NRG1: variants seen among roughly 807,000 people sequenced by gnomAD.
NRG1 encodes pro-neuregulin-1, membrane-bound isoform.
NRG1 carries 18 observed loss-of-function variants against 63.8 expected under a neutral mutation model. The ratio of observed to expected loss-of-function variants is 0.28; its 90% CI spans 0.19 to 0.42. The LOEUF (loss-of-function observed/expected upper bound fraction) is 0.42. NRG1 is among the 10% of genes least tolerant of loss of function. NRG1 has a pLI of 1.00. For synonymous variants in NRG1, 302 were observed against 301.3 expected (o/e 1.00, Z -0.02); for missense variants, 762 against 814.7 (o/e 0.94, Z 0.79).
intron 1 of NRG1, among the ~76,000 whole-genome samples, chr8:32,042,958 T>G (rs1264114752): frequency 1.3e-4 from 2 of 15,346 alleles, no homozygotes; most frequent in East Asian, 4.2e-3. Context: ...GTAGAAAGAG[T>G]GCAGTGTGTG....
exon 8 of NRG1, chr8:32,754,393 A>C (rs1377627153): frequency 1.9e-6 from 3 of 1,613,846 alleles, no homozygotes; most frequent in Non-Finnish European, 2.5e-6. Flanking sequence ...CTGTACCAGA[A>C]GAGAGTGCTG....
intron 1 of NRG1, among the ~76,000 whole-genome samples, chr8:32,079,012 A>G (rs1422574837): frequency 2.6e-5 from 4 of 152,172 alleles, no homozygotes; most frequent in South Asian, 2.1e-4. Flanking sequence ...CATTTTGACT[A>G]ACATTTTTCC....
At chr8:31,834,301 A>ACG (rs1554546982) in intron 1 of NRG1, among the ~76,000 whole-genome samples, 2,958 of 145,516 alleles carry the variant, frequency 0.02, 46 homozygotes, top group Non-Finnish European at 0.03. Flanking sequence ...GTGTGCGCGC[A>ACG]CGCGCGCACA....
intron 1 of NRG1, among the ~76,000 whole-genome samples, chr8:32,291,402 T>C (rs1475055064): frequency 6.6e-6 from 1 of 152,108 alleles, no homozygotes; most frequent in Non-Finnish European, 1.5e-5. Flanking sequence ...TAGATAAGTC[T>C]TTCTAATCTT....
chr8:31,897,478 A>T (rs574369721), intron 1 of NRG1, among the ~76,000 whole-genome samples: 2 of 152,256 alleles, frequency 1.3e-5, no homozygotes, highest in South Asian at 4.1e-4. Flanking sequence ...TCTGTCTCTC[A>T]TGAGGAAAAT....
intron 1 of NRG1, among the ~76,000 whole-genome samples, chr8:32,024,483 G>GT (rs1205851748): frequency 1.3e-5 from 2 of 152,210 alleles, no homozygotes; most frequent in Non-Finnish European, 2.9e-5. Context: ...TGGAGTTATC[G>GT]TGAGTGGAAC....
intron 7 of NRG1, among the ~76,000 whole-genome samples, chr8:32,745,560 T>A (rs1260916089): frequency 2.0e-5 from 3 of 152,098 alleles, no homozygotes; most frequent in Non-Finnish European, 4.4e-5. Context: ...AACATTATAT[T>A]TATAGTACTT....
At chr8:31,932,863 T>C (rs920018460) in intron 1 of NRG1, among the ~76,000 whole-genome samples, 7 of 152,330 alleles carry the variant, frequency 4.6e-5, no homozygotes, top group Admixed American at 1.3e-4. Flanking sequence ...CACTTGCATA[T>C]AATTCCGAAT....
intron 1 of NRG1, among the ~76,000 whole-genome samples, chr8:31,645,544 G>A (rs1206027280): frequency 6.6e-6 from 1 of 152,088 alleles, no homozygotes; most frequent in African/African-American, 2.4e-5. Flanking sequence ...TGAAGTTGAA[G>A]GTTAAAAATA....
intron 1 of NRG1, among the ~76,000 whole-genome samples, chr8:32,149,465 A>C (rs2131812106): frequency 6.6e-6 from 1 of 152,266 alleles, no homozygotes; most frequent in East Asian, 1.9e-4. Context: ...GAACACTCCA[A>C]CATGAAGGGA....
chr8:31,934,309 A>ATGTGTGTATATATATG lies in NRG1; in HGVS notation c.37+294893_37+294908dup, dbSNP rs1491300875. Among the ~76,000 whole-genome samples the ATGTGTGTATATATATG allele has an allele frequency of 1.8e-3, 271 of 151,716 alleles. 3 individuals are homozygous for ATGTGTGTATATATATG. The highest frequency in any genetic ancestry group is 2.9e-4 in the Non-Finnish European group (20 of 67,968). On this transcript the variant is annotated intron_variant, in intron 1 of 10. Coordinates refer to the NRG1 transcript ENST00000519301. ...TCATAGATGTGATATATATGTGTAC[A>ATGTGTGTATATATATG]TGTGTGTATATATATGTGTGTGTAT...
In NRG1 at chr8:32,742,742, A is replaced by G. The variant is rs1051730009; in HGVS notation, c.691+9A>G. On this transcript the variant is annotated intron_variant, in intron 7 of 11. Coordinates refer to ENST00000356819, the Ensembl canonical transcript of NRG1. The surrounding 1 kb of genome is among the most constrained non-coding windows in gnomAD (Gnocchi z 4.2). ...AATGGCCAGCTTCTACAGTACGTCCACTCCCTTTCTGTCTCTGCCTGAATA... is the reference window on the plus strand; with the variant it reads ...AATGGCCAGCTTCTACAGTACGTCCGCTCCCTTTCTGTCTCTGCCTGAATA... 1.2e-6 allele frequency: 2 copies of G among 1,613,214 alleles called. No homozygotes were observed. The highest frequency in any genetic ancestry group is 1.7e-6 in the Non-Finnish European group (2 of 1,179,614).
intron 1 of NRG1, among the ~76,000 whole-genome samples, chr8:32,134,596 G>A (rs1455700811): frequency 6.6e-6 from 1 of 152,010 alleles, no homozygotes; most frequent in East Asian, 1.9e-4. Flanking sequence ...TATTTAAATG[G>A]TGGAGATACC....
At chr8:32,728,113 A>G (rs371761041) in intron 6 of NRG1, 35 bp downstream of exon 6, 15 of 1,610,600 alleles carry the variant, frequency 9.3e-6, no homozygotes, top group Middle Eastern at 3.3e-4. Context: ...GCTTATGTCT[A>G]TAACTCCTTG....
At chr8:31,964,180 C>T (rs954386345) in intron 1 of NRG1, among the ~76,000 whole-genome samples, 5 of 152,142 alleles carry the variant, frequency 3.3e-5, no homozygotes, top group Non-Finnish European at 7.3e-5. Flanking sequence ...AGAGGAGAAA[C>T]AGCTGCAAAG....
At chr8:32,409,560 G>A (rs1238107605) in intron 1 of NRG1, among the ~76,000 whole-genome samples, 1 of 152,284 alleles carries the variant, frequency 6.6e-6, no homozygotes, top group African/African-American at 2.4e-5. Context: ...CTGTTTTTAA[G>A]AACAGAATGA....
intron 1 of NRG1, among the ~76,000 whole-genome samples, chr8:31,986,969 A>G (rs2129631771): frequency 6.6e-6 from 1 of 152,232 alleles, no homozygotes; most frequent in South Asian, 2.1e-4. Context: ...TCTAATGACA[A>G]CTTGAATTGA....
chr8:32,442,982 T>A (rs1819745952), intron 1 of NRG1, among the ~76,000 whole-genome samples: 1 of 151,594 alleles, frequency 6.6e-6, no homozygotes, highest in African/African-American at 2.4e-5. Flanking sequence ...CAGGCTGGAG[T>A]GCAGTGATGT....
intron 2 of NRG1, among the ~76,000 whole-genome samples, chr8:32,597,819 A>C (rs965276068): frequency 3.3e-5 from 5 of 152,066 alleles, no homozygotes; most frequent in Non-Finnish European, 7.4e-5. Context: ...AATAGGTCTG[A>C]CTCTAAGTCT....
Sources: allele counts gnomAD v4.1 joint callset (sites outside exome capture counted in the v4.1 genomes callset), GRCh38; gene constraint gnomAD v4.1.1; non-coding constraint Gnocchi (gnomAD v3.1); transcripts MANE v1.5; gene names NCBI Gene and HGNC (gene_info 2026-07-23, HGNC 2026-07-21).